KIAA1755: variants seen among roughly 807,000 people sequenced by gnomAD.
KIAA1755 encodes KIAA1755.
In KIAA1755, 68 loss-of-function variants were observed where a neutral mutation model predicts 91.7. The ratio of observed to expected loss-of-function variants is 0.74; its 90% CI spans 0.61 to 0.91. KIAA1755 has a LOEUF of 0.91. Ranked by LOEUF, KIAA1755 falls within the 40% of genes least tolerant of loss-of-function variation. KIAA1755 has a pLI of 0.00. For missense variants in KIAA1755, 1,535 were observed against 1,494.4 expected, an observed-to-expected ratio of 1.03 and a Z score of -0.45; for synonymous variants, 610 against 604.6, an observed-to-expected ratio of 1.01 and a Z score of -0.13.
intron 9 of KIAA1755, chr20:38,222,962 G>A (rs767860303): frequency 9.1e-6 from 3 of 329,998 alleles, no homozygotes; most frequent in South Asian, 2.7e-5. Flanking sequence ...TGCAGGCTTC[G>A]AACTGAATCC....
In KIAA1755 at chr20:38,223,555, G is replaced by T. The variant is rs541636028; in HGVS notation, c.2251C>A (p.Pro751Thr). Residue 751 changes from proline to threonine, a missense_variant, in exon 9 of 14, where the codon CCC becomes ACC. Pro to Thr is a conservative substitution (Grantham distance 38). Coordinates refer to ENST00000279024, the MANE Select transcript of KIAA1755 (RefSeq NM_001029864.2). ...AGGCTCACCTGCATCCCCCCAGGGG[G>T]GTCGGCCTTCTCGAATTCCTCGATG... ...ASIEEFEKAD[P>T]PGGMQEATRC... 8.1e-6 allele frequency: 13 copies of T among 1,597,704 alleles called. No individual in the cohort carries two copies. The highest frequency in any genetic ancestry group is 2.3e-5 in the South Asian group (2 of 88,386).
intron 3 of KIAA1755, 27 bp downstream of exon 3, chr20:38,240,555 G>C: frequency 6.8e-7 from 1 of 1,476,794 alleles, no homozygotes. Flanking sequence ...TAACCTCCTT[G>C]TACAGCTGAG....
rs1201348373 is a variant in KIAA1755, at chr20:38,217,786, C to T, written c.2680-312G>A. ...ACTTCTCTGACTCCAAAGGCTCCTG[C>T]TCTGAGTCCCCACATTCTCCCTTAC... On this transcript the variant is annotated intron_variant, in intron 12 of 13. Transcript: ENST00000279024. 14 of 510,646 alleles carry T rather than the reference C, an allele frequency of 2.7e-5. No homozygotes were observed. In the East Asian group the frequency reaches 4.7e-4, roughly 17 times the overall value. 31.6% of individuals were successfully genotyped at this position (510,646 alleles called of 1,614,324 possible). A position where few individuals can be genotyped will look rare whatever the true frequency, so the allele number is the denominator to read the frequency against.
At chr20:38,245,905 G>A in intron 2 of KIAA1755, 24 bp downstream of exon 2, 3 of 1,609,748 alleles carry the variant, frequency 1.9e-6, no homozygotes, top group Non-Finnish European at 2.6e-6. Flanking sequence ...CTTGTTCCCT[G>A]TCCCTGTTTC....
chr20:38,223,567 C>T lies in KIAA1755; in HGVS notation c.2239G>A (p.Glu747Lys), dbSNP rs769748095. Residue 747 changes from glutamate (E) to lysine (K), a missense_variant, in exon 9 of 14, where the codon GAG becomes AAG. Physicochemically the swap from Glu to Lys is moderately conservative, Grantham distance 56. Coordinates refer to ENST00000279024, the MANE Select transcript of KIAA1755 (RefSeq NM_001029864.2). ...SLLQASIEEF[E>K]KADPPGGMQE... ...ATCCCCCCAGGGGGGTCGGCCTTCT[C>T]GAATTCCTCGATGGAAGCTTGTAGC... The T allele has an allele frequency of 4.4e-6, 7 of 1,599,882 alleles. No individual in the cohort carries two copies. Among genetic ancestry groups the T allele is most frequent in the South Asian group, 1.1e-5 (1 of 88,784 alleles).
chr20:38,216,907 C>G, intron 13 of KIAA1755: 1 of 534,708 alleles, frequency 1.9e-6, no homozygotes. Flanking sequence ...TTTCTCTTCT[C>G]TTTGGGGAAG....
intron 1 of KIAA1755, among the ~76,000 whole-genome samples, chr20:38,250,532 G>GTGTA: frequency 6.6e-6 from 1 of 151,420 alleles, no homozygotes; most frequent in Non-Finnish European, 1.5e-5. Flanking sequence ...GTGTGTGTGT[G>GTGTA]TGTGGTTTTA....
chr20:38,214,459 G>A (rs1057331033), intron 13 of KIAA1755, among the ~76,000 whole-genome samples: 7 of 152,228 alleles, frequency 4.6e-5, no homozygotes, highest in Non-Finnish European at 7.3e-5. Flanking sequence ...CCGTTTGCCA[G>A]GTTCTGTGTG....
intron 5 of KIAA1755, among the ~76,000 whole-genome samples, chr20:38,228,989 C>T (rs761816570): frequency 1.4e-4 from 21 of 152,164 alleles, no homozygotes; most frequent in Non-Finnish European, 1.8e-4. Flanking sequence ...AATACAGATT[C>T]CTCACCCTAC....
At chr20:38,245,826 G>C (rs1031525853) in intron 2 of KIAA1755, 103 bp downstream of exon 2, 2 of 1,099,888 alleles carry the variant, frequency 1.8e-6, no homozygotes, top group Non-Finnish European at 2.7e-6. Context: ...TCAGCTCCCC[G>C]TGAAACAAGA....
At chr20:38,242,808 GTTTA>G (rs955644387) in intron 2 of KIAA1755, among the ~76,000 whole-genome samples, 4 of 151,938 alleles carry the variant, frequency 2.6e-5, no homozygotes, top group African/African-American at 4.8e-5. Context: ...TTATTTGTTT[GTTTA>G]TTTATTTCTC....
rs1444461172 is a variant in KIAA1755 at position 38,213,562 on chromosome 20, C to T, written c.3083G>A (p.Gly1028Asp). The part of the protein sequence containing the change: ...GLQVASLSRA[G>D]LGQELWEEAR... Reference sequence around the variant, plus strand: ...CTCCTCCCATAGCTCCTGGCCCAGGCCTGCCCGGCTCAGGGAGGCCACCTG... The same window carrying T: ...CTCCTCCCATAGCTCCTGGCCCAGGTCTGCCCGGCTCAGGGAGGCCACCTG... Residue 1028 changes from glycine to aspartate, a missense_variant, in exon 14 of 14, where the codon GGC (glycine) becomes GAC (aspartate). Coordinates refer to ENST00000279024, the MANE Select transcript of KIAA1755 (RefSeq NM_001029864.2). The T allele has an allele frequency of 1.9e-6, 3 of 1,606,986 alleles. No homozygotes were observed. Among genetic ancestry groups the T allele is most frequent in the Non-Finnish European group, 2.6e-6 (3 of 1,176,224 alleles).
Position 38,224,950 on chromosome 20 carries a change from TTG to T in KIAA1755, c.2169+713_2169+714del, listed in dbSNP as rs1259150745. The stretch of plus-strand genomic sequence containing the variant: ...GGAACCAGACCCTGAGCTTCCTGAG[TTG>T]TGTGGGTCCATAGAGCAAGTGCCTG... On this transcript the variant is annotated intron_variant, in intron 8 of 13. Transcript: ENST00000279024. Among the ~76,000 whole-genome samples, 9 of 152,204 alleles carry T rather than the reference TTG, an allele frequency of 5.9e-5. No individual in the cohort carries two copies. The East Asian group carries it at 1.7e-3, about 29-fold the overall frequency.
Position 38,213,511 on chromosome 20 carries a change from C to T in KIAA1755, c.3134G>A (p.Arg1045Gln), listed in dbSNP as rs928541618. ...EEARIRHEEI[R>Q]MLLEKALTHS... ...GGTCAGTGCCTTCTCCAGGAGCATC[C>T]GGATCTCCTCATGCCTGATCCGGGC... Residue 1045 changes from arginine to glutamine, a missense_variant, in exon 14 of 14, where the codon CGG (arginine) becomes CAG (glutamine). By Grantham distance (43) the Arg-to-Gln change is conservative. Transcript: ENST00000279024. 6.2e-7 allele frequency: 1 copy of T among 1,610,388 alleles called. No individual in the cohort carries two copies.
Position 38,231,308 on chromosome 20 carries a change from C to A in KIAA1755, c.1765G>T (p.Gly589Trp), listed in dbSNP as rs375117209. 1.2e-6 allele frequency: 2 copies of A among 1,610,218 alleles called. No homozygotes were observed. The highest frequency in any genetic ancestry group is 2.2e-5 in the South Asian group (2 of 90,464). The part of the protein sequence containing the change: ...ACLPGGRDRA[G>W]RPLLLVSTTE... ...GTTGACACCAGAAGCAGGGGCCGCC[C>A]GGCCCTGTCCCGGCCACCTGGAGGA... The change falls in exon 5 of 14, where the codon GGG becomes TGG. Residue 589 changes from glycine (G) to tryptophan (W), a missense_variant. Transcript: ENST00000279024.
Position 38,212,981 on chromosome 20 carries a change from C to A in KIAA1755, c.*61G>T. On this transcript the variant is annotated 3_prime_UTR_variant, in exon 14 of 14. Transcript: ENST00000279024. Reference sequence around the variant, plus strand: ...GGACTGACCAGAGCTCCCAGCTACCCCTCCAGCTGGGCCCTGGCCCAGTGC... The same window carrying A: ...GGACTGACCAGAGCTCCCAGCTACCACTCCAGCTGGGCCCTGGCCCAGTGC... 7.5e-7 allele frequency: 1 copy of A among 1,332,196 alleles called. No homozygotes were observed. The highest frequency in any genetic ancestry group is 1.5e-5 in the South Asian group (1 of 68,316). 82.5% of individuals were successfully genotyped at this position (1,332,196 alleles called of 1,614,324 possible). A position where few individuals can be genotyped will look rare whatever the true frequency, so the allele number is the denominator to read the frequency against.
intron 7 of KIAA1755, 107 bp downstream of exon 7, chr20:38,227,047 A>G (rs2075769430): frequency 4.1e-6 from 3 of 739,136 alleles, no homozygotes; most frequent in Non-Finnish European, 4.5e-6. Flanking sequence ...GATTACCTCC[A>G]GGCCTCTTCT....
chr20:38,259,887 T>A (rs929157487), intron 1 of KIAA1755, among the ~76,000 whole-genome samples: 1 of 150,856 alleles, frequency 6.6e-6, no homozygotes, highest in Non-Finnish European at 1.5e-5. Flanking sequence ...TTTTCAAGGT[T>A]CCAGCTCCAA....
chr20:38,241,234 C>A lies in KIAA1755; in HGVS notation c.897G>T (p.Gly299=). 1.9e-6 allele frequency: 3 copies of A among 1,614,174 alleles called. No homozygotes were observed. In the East Asian group the frequency reaches 6.7e-5, roughly 36 times the overall value. ...TCTCCTCTAGTGCCCCAGAAGTACACCCACTGGATGTGCCTGCCTCCCTAC... is the reference window on the plus strand; with the variant it reads ...TCTCCTCTAGTGCCCCAGAAGTACAACCACTGGATGTGCCTGCCTCCCTAC... ...SPSREAGTSS[G]CTSGALEEIA... The change falls in exon 3 of 14, where the codon GGG becomes GGT. Residue 299 remains glycine, a synonymous_variant. Transcript: ENST00000279024.
Sources: allele counts gnomAD v4.1 joint callset (sites outside exome capture counted in the v4.1 genomes callset), GRCh38; gene constraint gnomAD v4.1.1; transcripts MANE v1.5; gene names NCBI Gene and HGNC (gene_info 2026-07-23, HGNC 2026-07-21).